FAM13A: variants seen among roughly 807,000 people sequenced by gnomAD.
The protein encoded by FAM13A is family with sequence similarity 13 member A, also known as protein FAM13A.
A neutral mutation model predicts 129.6 loss-of-function variants in FAM13A; 76 were observed. The ratio of observed to expected loss-of-function variants is 0.59; its 90% CI spans 0.49 to 0.71. FAM13A has a LOEUF of 0.71. FAM13A is among the 30% of genes least tolerant of loss of function. The pLI, the probability that FAM13A is intolerant of heterozygous loss-of-function variation, is 0.00. For synonymous variants in FAM13A, 443 were observed against 449.9 expected (o/e 0.98, Z 0.20); for missense variants, 1,108 against 1,249.3 (o/e 0.89, Z 1.70).
At chr4:88,738,958 C>G (rs1285383133) in intron 20 of FAM13A, 72 bp downstream of exon 20, 16 of 933,158 alleles carry the variant, frequency 1.7e-5, no homozygotes, top group Non-Finnish European at 2.7e-5. Context: ...CAGGTTAGGG[C>G]CCTATTCATA....
intron 3 of FAM13A, among the ~76,000 whole-genome samples, chr4:89,006,652 G>A (rs527822206): frequency 9.2e-5 from 14 of 152,312 alleles, no homozygotes; most frequent in African/African-American, 3.1e-4. Flanking sequence ...GAGAGTCAGT[G>A]TGATAGCCTT....
chr4:88,854,360 G>A (rs566922101), intron 6 of FAM13A, among the ~76,000 whole-genome samples: 4 of 152,240 alleles, frequency 2.6e-5, no homozygotes, highest in South Asian at 2.1e-4. Context: ...CAGCCTTACC[G>A]TAATAAATGG....
intron 4 of FAM13A, among the ~76,000 whole-genome samples, chr4:88,978,819 C>T (rs1426285973): frequency 1.3e-5 from 2 of 152,072 alleles, no homozygotes; most frequent in Non-Finnish European, 2.9e-5. Flanking sequence ...ACATCAAACC[C>T]AAGCAACACA....
At chr4:89,044,095 C>A (rs866088910) in intron 1 of FAM13A, among the ~76,000 whole-genome samples, 292 of 116,084 alleles carry the variant, frequency 2.5e-3, no homozygotes, top group Non-Finnish European at 3.4e-3. Flanking sequence ...GAGACCATAT[C>A]AAAAAAAAAG....
chr4:88,946,289 A>G (rs1327581715), intron 4 of FAM13A, among the ~76,000 whole-genome samples: 1 of 151,764 alleles, frequency 6.6e-6, no homozygotes, highest in African/African-American at 2.4e-5. Context: ...CAGGTTATAA[A>G]TAACTCAGTC....
At chr4:88,778,135 C>G (rs772176478) in intron 11 of FAM13A, among the ~76,000 whole-genome samples, 1 of 152,186 alleles carries the variant, frequency 6.6e-6, no homozygotes, top group Non-Finnish European at 1.5e-5. Flanking sequence ...TCATGACTCT[C>G]ACATTTGTAT....
Position 88,828,108 on chromosome 4 carries a change from T to C in FAM13A, c.1007+22912A>G, listed in dbSNP as rs114680170. Among the ~76,000 whole-genome samples, 1,323 of 152,288 alleles carry C rather than the reference T, an allele frequency of 8.7e-3. 22 individuals are homozygous for C. The highest frequency in any genetic ancestry group is 0.03 in the African/African-American group (1,245 of 41,558). The stretch of plus-strand genomic sequence containing the variant: ...TTCAGGAAAAATCCTACCTATACTT[T>C]AGGTCTAGGCTAATTGAAAGAAATG... On this transcript the variant is annotated intron_variant, in intron 7 of 23. Coordinates refer to ENST00000264344, the MANE Select transcript of FAM13A (RefSeq NM_014883.4).
chr4:88,996,003 T>C (rs182499392), intron 3 of FAM13A, among the ~76,000 whole-genome samples: 28 of 152,306 alleles, frequency 1.8e-4, no homozygotes, highest in African/African-American at 6.5e-4. Context: ...GGGAGGCCCC[T>C]CTGATACCAT....
chr4:88,934,015 G>A (rs1753459579), intron 5 of FAM13A, among the ~76,000 whole-genome samples: 1 of 151,982 alleles, frequency 6.6e-6, no homozygotes, highest in South Asian at 2.1e-4. Flanking sequence ...CCTCTCAACT[G>A]CTCATCAGAC....
chr4:88,878,220 G>A (rs1056249756), intron 6 of FAM13A, among the ~76,000 whole-genome samples: 4 of 148,134 alleles, frequency 2.7e-5, no homozygotes, highest in African/African-American at 5.0e-5. Context: ...CCCGGGAGGC[G>A]GAGCTTGCAG....
intron 7 of FAM13A, among the ~76,000 whole-genome samples, chr4:88,815,918 T>G (rs1578791254): frequency 6.6e-6 from 1 of 151,936 alleles, no homozygotes; most frequent in Non-Finnish European, 1.5e-5. Flanking sequence ...TGACAAAACA[T>G]TCCTCCAAAT....
At chr4:89,055,565 A>T (rs1323185439) in intron 1 of FAM13A, among the ~76,000 whole-genome samples, 3 of 152,182 alleles carry the variant, frequency 2.0e-5, no homozygotes, top group Non-Finnish European at 4.4e-5. Context: ...TAATCAGACA[A>T]TCAGAGATGA....
At chr4:88,898,447 C>T (rs1746711417) in intron 6 of FAM13A, among the ~76,000 whole-genome samples, 1 of 151,886 alleles carries the variant, frequency 6.6e-6, no homozygotes, top group African/African-American at 2.4e-5. Context: ...GAAGGGAAAC[C>T]ATAATAGATA....
intron 1 of FAM13A, among the ~76,000 whole-genome samples, chr4:89,036,244 C>A (rs1769374496): frequency 6.6e-6 from 1 of 152,124 alleles, no homozygotes; most frequent in South Asian, 2.1e-4. Context: ...AGATGAGGAA[C>A]TTATTGAGAA....
Position 89,000,955 on chromosome 4 carries a change from T to C in FAM13A, c.428-9805A>G, listed in dbSNP as rs115987746. On this transcript the variant is annotated intron_variant, in intron 3 of 23. Transcript: ENST00000264344. ...ACAAATGTACATATGCACGCACACA[T>C]GTGCACACAATCATGTTTCAAGATG... is the stretch of plus-strand genomic sequence containing the variant. 3.0e-3 allele frequency among the ~76,000 whole-genome samples: 455 copies of C among 152,352 alleles called. 4 individuals are homozygous for C. The highest frequency in any genetic ancestry group is 0.011 in the African/African-American group (440 of 41,582).
intron 7 of FAM13A, among the ~76,000 whole-genome samples, chr4:88,809,007 AT>A (rs963275090): frequency 2.6e-5 from 4 of 152,120 alleles, no homozygotes; most frequent in Admixed American, 2.0e-4. Context: ...TGTCTAACTT[AT>A]TTTTTATACA....
At chr4:89,029,273 A>C (rs558469317) in intron 2 of FAM13A, among the ~76,000 whole-genome samples, 187 bp downstream of exon 2, 4 of 152,254 alleles carry the variant, frequency 2.6e-5, no homozygotes, top group Middle Eastern at 3.2e-3. Flanking sequence ...TCAAATTAGT[A>C]CTGTCAAGAT....
intron 3 of FAM13A, among the ~76,000 whole-genome samples, chr4:88,995,469 G>T (rs961462011): frequency 2.6e-5 from 4 of 152,144 alleles, no homozygotes; most frequent in Admixed American, 6.5e-5. Flanking sequence ...TAGACTGGCT[G>T]AGTCTTCTGC....
intron 7 of FAM13A, among the ~76,000 whole-genome samples, chr4:88,845,729 A>C (rs758633660): frequency 1.6e-4 from 25 of 152,200 alleles, no homozygotes; most frequent in Non-Finnish European, 2.6e-4. Context: ...ATCATGAAGC[A>C]AGAGAATCAA....
Sources: gnomAD v4.1 joint callset for allele counts (sites outside exome capture counted in the v4.1 genomes callset) on GRCh38, gnomAD v4.1.1 for gene constraint, MANE v1.5 for transcripts, NCBI Gene and HGNC (gene_info 2026-07-23, HGNC 2026-07-21) for gene names.